The following PCDHGA10 variants were observed in gnomAD, a reference collection of about 807,000 sequenced individuals.
PCDHGA10 encodes the protein protocadherin gamma-A10.
Under a neutral mutation model 59.5 loss-of-function variants are expected in PCDHGA10, and 42 were observed. The observed-to-expected ratio is 0.71, with a 90% CI of 0.55 to 0.91. The LOEUF (loss-of-function observed/expected upper bound fraction) is 0.91. PCDHGA10 is among the 40% of genes least tolerant of loss of function. The pLI is 0.00. For synonymous variants in PCDHGA10, 511 were observed against 517.2 expected (o/e 0.99, Z 0.16); for missense variants, 1,111 against 1,198.2 (o/e 0.93, Z 1.07).
intron 1 of PCDHGA10, among the ~76,000 whole-genome samples, chr5:141,484,796 C>A (rs987893041): frequency 1.3e-5 from 2 of 151,304 alleles, no homozygotes; most frequent in African/African-American, 4.9e-5. Flanking sequence ...GATAACAACC[C>A]GTGGAAAAAC....
rs764067454 is a variant in PCDHGA10 at position 141,413,998 on chromosome 5, G to C, written c.823G>C (p.Glu275Gln). Residue 275 changes from glutamate (E) to glutamine (Q), a missense_variant, in exon 1 of 4, where the codon GAA becomes CAA. By Grantham distance (29) the Glu-to-Gln change is conservative. Coordinates refer to ENST00000398610, the MANE Select transcript of PCDHGA10 (RefSeq NM_018913.3). Reference sequence around the variant, plus strand: ...GACAGTCACAGCCACCGACAGGGACGAAGGTGCCAATGGAGAAGTGACATA... The same window carrying C: ...GACAGTCACAGCCACCGACAGGGACCAAGGTGCCAATGGAGAAGTGACATA... ...LLTVTATDRD[E>Q]GANGEVTYSF... 29 of 1,613,320 alleles carry C rather than the reference G, an allele frequency of 1.8e-5. No individual in the cohort carries two copies. The Admixed American group carries it at 4.8e-4, about 27-fold the overall frequency.
chr5:141,417,507 A>G (rs573832786), intron 1 of PCDHGA10: 1 of 234,942 alleles, frequency 4.3e-6, no homozygotes, highest in Non-Finnish European at 8.1e-6. Context: ...AAAGATTAAA[A>G]TATTTTGGCT....
At chr5:141,428,635 G>A (rs1411119011) in intron 1 of PCDHGA10, 1 of 180,288 alleles carries the variant, frequency 5.5e-6, no homozygotes, top group Non-Finnish European at 1.2e-5. Context: ...TAACTCTGTT[G>A]CTCCTACTCA....
chr5:141,481,104 C>T (rs2099531861), intron 1 of PCDHGA10, among the ~76,000 whole-genome samples: 1 of 152,130 alleles, frequency 6.6e-6, no homozygotes. Context: ...ACTCTGGAAC[C>T]TACCAATCCA....
Position 141,491,274 on chromosome 5 carries a change from T to C in PCDHGA10, c.2437-3533T>C, listed in dbSNP as rs2099710140. On this transcript the variant is annotated intron_variant, in intron 1 of 3. Transcript: ENST00000398610. The surrounding 1 kb of genome is among the most constrained non-coding windows in gnomAD (Gnocchi z 6.9). ...ACCCTGAGGAAATGCCCAAATCCAG[T>C]GACTTCCTCATACACCCTCCTGAGC... The C allele has an allele frequency of 6.2e-7, 1 of 1,614,102 alleles. No individual in the cohort carries two copies. Among genetic ancestry groups the C allele is most frequent in the Non-Finnish European group, 8.5e-7 (1 of 1,179,914 alleles).
chr5:141,460,498 T>G (rs1028506755), intron 1 of PCDHGA10, among the ~76,000 whole-genome samples: 1 of 152,184 alleles, frequency 6.6e-6, no homozygotes. Context: ...TGGAAAAATA[T>G]GCTGAGAAGG....
At chr5:141,466,325 C>T (rs1252026939) in intron 1 of PCDHGA10, among the ~76,000 whole-genome samples, 3 of 152,108 alleles carry the variant, frequency 2.0e-5, no homozygotes, top group African/African-American at 7.2e-5. Context: ...CACATGCTAC[C>T]ATGCCTGGAT....
At chr5:141,427,938 G>A in intron 1 of PCDHGA10, 1 of 1,584,968 alleles carries the variant, frequency 6.3e-7, no homozygotes, top group South Asian at 1.1e-5. Context: ...GTTGGTGGGC[G>A]ACCTCAATGA....
At position 141,432,307 on chromosome 5, in the gene PCDHGA10, G is replaced by A. The variant is rs2097484688; in HGVS notation, c.2436+16696G>A. On this transcript the variant is annotated intron_variant, in intron 1 of 3. Transcript: ENST00000398610. The surrounding 1 kb of genome is among the most constrained non-coding windows in gnomAD (Gnocchi z 6.0). ...ACTCCGACACTGGGGTACTGTATGC[G>A]CTGAGCTCCTTCGACTACGAGCAGT... The A allele has an allele frequency of 5.0e-6, 8 of 1,614,240 alleles. No individual in the cohort carries two copies. Among genetic ancestry groups the A allele is most frequent in the South Asian group, 1.1e-5 (1 of 91,086 alleles).
At position 141,487,681 on chromosome 5, in the gene PCDHGA10, T is replaced by C. The variant is rs754032560; in HGVS notation, c.2437-7126T>C. The stretch of plus-strand genomic sequence containing the variant: ...CTGATCCAGGCATATGGCTAGGCCA[T>C]GTCCTAGAGAGTACTGGCCTCTCAG... On this transcript the variant is annotated intron_variant, in intron 1 of 3. Coordinates refer to ENST00000398610, the MANE Select transcript of PCDHGA10 (RefSeq NM_018913.3). The surrounding 1 kb of genome is among the most constrained non-coding windows in gnomAD (Gnocchi z 5.0). 1.1e-5 allele frequency: 18 copies of C among 1,608,852 alleles called. No individual in the cohort carries two copies. The highest frequency in any genetic ancestry group is 4.5e-5 in the East Asian group (2 of 44,816).
At position 141,423,563 on chromosome 5, in the gene PCDHGA10, C is replaced by T. The variant is rs745802952; in HGVS notation, c.2436+7952C>T. 9.9e-6 allele frequency: 16 copies of T among 1,613,436 alleles called. No homozygotes were observed. In the Admixed American group the frequency reaches 2.3e-4, roughly 24 times the overall value. ...TTCCCCCAGCCCAACTATGGGGACA[C>T]GCTCATCAGCCAGGAGAGCTGTGAG... On this transcript the variant is annotated intron_variant, in intron 1 of 3. Coordinates refer to ENST00000398610, the MANE Select transcript of PCDHGA10 (RefSeq NM_018913.3).
chr5:141,422,317 G>A (rs1266672163), intron 1 of PCDHGA10: 2 of 1,548,092 alleles, frequency 1.3e-6, no homozygotes, highest in Non-Finnish European at 1.7e-6. Context: ...CTCTCCTCCA[G>A]GTACAGTGAT....
At chr5:141,426,492 T>A (rs1439487321) in intron 1 of PCDHGA10, 11 of 336,712 alleles carry the variant, frequency 3.3e-5, no homozygotes, top group South Asian at 2.6e-4. Flanking sequence ...TTAGAGTTAG[T>A]GCAGAGAAAC....
At chr5:141,426,029 A>G (rs576464127) in intron 1 of PCDHGA10, among the ~76,000 whole-genome samples, 13 of 152,216 alleles carry the variant, frequency 8.5e-5, no homozygotes, top group Non-Finnish European at 1.9e-4. Flanking sequence ...AAATAGACTC[A>G]GAGCCCTGCT....
chr5:141,433,192 A>G (rs756991371), intron 1 of PCDHGA10: 1 of 1,585,516 alleles, frequency 6.3e-7, no homozygotes, highest in Non-Finnish European at 8.6e-7. Flanking sequence ...AGGTGAGTTT[A>G]TATCAAATCT....
intron 1 of PCDHGA10, among the ~76,000 whole-genome samples, chr5:141,451,804 C>G (rs914303400): frequency 9.2e-5 from 14 of 151,946 alleles, no homozygotes; most frequent in African/African-American, 3.4e-4. Context: ...TTGCTTGAAC[C>G]CAGGAGGCGG....
chr5:141,438,955 C>T (rs965336489), intron 1 of PCDHGA10, among the ~76,000 whole-genome samples: 3 of 151,926 alleles, frequency 2.0e-5, no homozygotes, highest in Non-Finnish European at 4.4e-5. Flanking sequence ...CATGAGCCAC[C>T]GCACCCTGCC....
Position 141,489,752 on chromosome 5 carries a change from C to G in PCDHGA10, c.2437-5055C>G. ...GGCACCAATACTGTGAGCTTTTACA[C>G]TCTAAGCCCCAACAGCCACTTCTCT... On this transcript the variant is annotated intron_variant, in intron 1 of 3. Coordinates refer to ENST00000398610, the MANE Select transcript of PCDHGA10 (RefSeq NM_018913.3). This position sits in a 1 kb window ranked among gnomAD's most constrained non-coding sequence, Gnocchi z 4.5. The G allele has an allele frequency of 6.2e-7, 1 of 1,614,136 alleles. No individual in the cohort carries two copies. The highest frequency in any genetic ancestry group is 8.5e-7 in the Non-Finnish European group (1 of 1,179,972).
chr5:141,430,967 G>A lies in PCDHGA10; in HGVS notation c.2436+15356G>A, dbSNP rs746992307. 5 of 1,613,256 alleles carry A rather than the reference G, an allele frequency of 3.1e-6. No individual in the cohort carries two copies. In the East Asian group the frequency reaches 6.7e-5, roughly 22 times the overall value. On this transcript the variant is annotated intron_variant, in intron 1 of 3. Coordinates refer to ENST00000398610, the MANE Select transcript of PCDHGA10 (RefSeq NM_018913.3). ...GCGCGGAGTCCGCATCATCCCCAGA[G>A]GTAGGACGCAGCTTTTCGCCCTGAA... is the stretch of plus-strand genomic sequence containing the variant.
Sources: allele counts gnomAD v4.1 joint callset (sites outside exome capture counted in the v4.1 genomes callset), GRCh38; gene constraint gnomAD v4.1.1; non-coding constraint Gnocchi (gnomAD v3.1); transcripts MANE v1.5; gene names NCBI Gene and HGNC (gene_info 2026-07-23, HGNC 2026-07-21).